HDAC4: variants seen among roughly 807,000 people sequenced by gnomAD.
The protein encoded by HDAC4 is histone deacetylase A.
A neutral mutation model predicts 135.1 loss-of-function variants in HDAC4; 16 were observed. The observed-to-expected ratio is 0.12, with a 90% CI of 0.08 to 0.18. The LOEUF is 0.18. Among genes scored for constraint, HDAC4 ranks in the 10% least tolerant of loss-of-function variants. HDAC4 has a pLI of 1.00. For missense variants in HDAC4, 1,143 were observed against 1,511.8 expected, an observed-to-expected ratio of 0.76 and a Z score of 4.05; for synonymous variants, 685 against 653.4, an observed-to-expected ratio of 1.05 and a Z score of -0.74.
At chr2:239,252,332 T>G (rs1415085187) in intron 2 of HDAC4, among the ~76,000 whole-genome samples, 1 of 152,246 alleles carries the variant, frequency 6.6e-6, no homozygotes, top group African/African-American at 2.4e-5. Context: ...CTGAGAGGAC[T>G]GGACTAAGCA....
chr2:239,297,468 G>A (rs935346869), intron 2 of HDAC4, among the ~76,000 whole-genome samples: 3 of 152,242 alleles, frequency 2.0e-5, no homozygotes, highest in African/African-American at 7.2e-5. Context: ...GGGTTGAGAC[G>A]GGGTTGCAGA....
chr2:239,093,931 T>TCA (rs1189002736), intron 17 of HDAC4: 23 of 984,394 alleles, frequency 2.3e-5, no homozygotes, highest in Non-Finnish European at 2.8e-5. Context: ...GAGGGCTTGG[T>TCA]GGTGGTATGA....
chr2:239,344,551 T>C (rs940379044), intron 2 of HDAC4, among the ~76,000 whole-genome samples: 3 of 151,510 alleles, frequency 2.0e-5, no homozygotes, highest in South Asian at 2.1e-4. Flanking sequence ...AAAAGTAGGT[T>C]GAAAAATAAG....
intron 3 of HDAC4, among the ~76,000 whole-genome samples, chr2:239,222,840 G>A (rs1170649965): frequency 6.6e-6 from 1 of 152,178 alleles, no homozygotes; most frequent in African/African-American, 2.4e-5. Context: ...TCCCAGCGGG[G>A]ACCTGGGTAT....
At chr2:239,343,299 A>G (rs1692411771) in intron 2 of HDAC4, among the ~76,000 whole-genome samples, 1 of 152,242 alleles carries the variant, frequency 6.6e-6, no homozygotes, top group East Asian at 1.9e-4. Context: ...CACAACGTGA[A>G]AGTTTCAGCC....
chr2:239,260,048 C>T (rs890429974), intron 2 of HDAC4, among the ~76,000 whole-genome samples: 6 of 152,390 alleles, frequency 3.9e-5, no homozygotes, highest in East Asian at 1.9e-4. Flanking sequence ...CCACCCCCAA[C>T]GCTGTGATTG....
At chr2:239,213,148 G>T (rs536989229) in intron 3 of HDAC4, among the ~76,000 whole-genome samples, 2 of 150,604 alleles carry the variant, frequency 1.3e-5, no homozygotes, top group Non-Finnish European at 3.0e-5. Flanking sequence ...AGACGGCCAC[G>T]ATGCTGGAAG....
chr2:239,058,556 C>A (rs913461935), intron 24 of HDAC4, among the ~76,000 whole-genome samples: 6 of 152,184 alleles, frequency 3.9e-5, no homozygotes, highest in African/African-American at 1.4e-4. Context: ...GGCAGGCAAA[C>A]CTGGCCAAAG....
Position 239,115,138 on chromosome 2 carries a change from T to G in HDAC4, c.1706A>C (p.Glu569Ala). 2 of 1,611,894 alleles carry G rather than the reference T, an allele frequency of 1.2e-6. No homozygotes were observed. The highest frequency in any genetic ancestry group is 1.7e-6 in the Non-Finnish European group (2 of 1,179,950). ...AGVQVKQEPIESDEEEAEPPR... is the reference protein window; with the variant it reads ...AGVQVKQEPIASDEEEAEPPR... ...GGGCTCTGCCTCTTCCTCATCGCTC[T>G]CAATGGGCTCCTGCTTCACCTGCAC... Residue 569 changes from glutamate (E) to alanine (A), a missense_variant, in exon 13 of 27, where the codon GAG becomes GCG. Glu to Ala is a moderately radical substitution (Grantham distance 107). Transcript: ENST00000543185. The surrounding 1 kb of genome is among the most constrained non-coding windows in gnomAD (Gnocchi z 6.3).
chr2:239,054,884 G>A, intron 24 of HDAC4, 51 bp from the exon 25 acceptor site: 2 of 1,222,316 alleles, frequency 1.6e-6, no homozygotes, highest in South Asian at 2.4e-5. Flanking sequence ...ATCCACACGT[G>A]CGTTAGACGG....
chr2:239,179,896 C>A (rs917534885), intron 4 of HDAC4, among the ~76,000 whole-genome samples: 22 of 152,268 alleles, frequency 1.4e-4, no homozygotes, highest in African/African-American at 5.1e-4. Flanking sequence ...ACGGAGGAAC[C>A]TGCACATCAA....
At chr2:239,162,352 C>T (rs1442533105) in intron 6 of HDAC4, 1 of 456,578 alleles carries the variant, frequency 2.2e-6, no homozygotes, top group South Asian at 1.5e-5. Context: ...GCCCCTGGCT[C>T]CTCATCCTGC....
chr2:239,202,032 C>A (rs371489596), intron 3 of HDAC4, among the ~76,000 whole-genome samples: 19 of 152,208 alleles, frequency 1.2e-4, no homozygotes, highest in Admixed American at 7.2e-4. Context: ...CCTCCACCCC[C>A]CTGCAGGCAT....
chr2:239,117,139 C>A lies in HDAC4; in HGVS notation c.1534-1829G>T, dbSNP rs114685078. Among the ~76,000 whole-genome samples, 1,015 of 152,318 alleles carry A rather than the reference C, an allele frequency of 6.7e-3. 4 individuals carry two copies. The highest frequency in any genetic ancestry group is 9.5e-3 in the Non-Finnish European group (649 of 68,024). On this transcript the variant is annotated intron_variant, in intron 12 of 26. Transcript: ENST00000543185. ...AAGTGGAACAGGGTGTATGGCTGAC[C>A]TCAATGCGCTCTGGGAGCTGTGGGA...
rs1278408045 is a variant in HDAC4 at position 239,236,603 on chromosome 2, C to A, written c.84G>T (p.Met28Ile). ...ELLNPARVNH[M>I]PSTVDVATAL... ...GGTGGGCGGACTTACCCGTGCTGGG[C>A]ATGTGGTTCACGCGGGCAGGATTCA... The change falls in exon 3 of 27, where the codon ATG becomes ATT. Residue 28 changes from methionine (M) to isoleucine (I), a missense_variant. By Grantham distance (10) the Met-to-Ile change is conservative (BLOSUM62 1). This residue lies in a region of HDAC4 where 247 missense variants were observed against 310.0 expected (regional missense o/e 0.80). Coordinates refer to ENST00000543185, the MANE Select transcript of HDAC4 (RefSeq NM_001378414.1). 1.3e-6 allele frequency: 2 copies of A among 1,551,584 alleles called. No homozygotes were observed. Among genetic ancestry groups the A allele is most frequent in the African/African-American group, 1.4e-5 (1 of 73,064 alleles).
rs1234864111 is a variant in HDAC4 at position 239,308,180 on chromosome 2, G to T, written c.22+44498C>A. Among the ~76,000 whole-genome samples, 1 of 152,146 alleles carries T rather than the reference G, an allele frequency of 6.6e-6. No individual in the cohort carries two copies. The highest frequency in any genetic ancestry group is 1.5e-5 in the Non-Finnish European group (1 of 68,028). On this transcript the variant is annotated intron_variant, in intron 2 of 26. Coordinates refer to ENST00000543185, the MANE Select transcript of HDAC4 (RefSeq NM_001378414.1). The surrounding 1 kb of genome is among the most constrained non-coding windows in gnomAD (Gnocchi z 4.2). ...CTCATCTGTGAGATGGGGGTGGTCAGCGTGCAGGAAGCCCTCCTTGACGAT... is the reference window on the plus strand; with the variant it reads ...CTCATCTGTGAGATGGGGGTGGTCATCGTGCAGGAAGCCCTCCTTGACGAT...
intron 2 of HDAC4, among the ~76,000 whole-genome samples, chr2:239,339,356 C>T (rs953517611): frequency 1.3e-5 from 2 of 152,182 alleles, no homozygotes; most frequent in African/African-American, 4.8e-5. Flanking sequence ...AAACAGGGCC[C>T]GATGAAAGGA....
chr2:239,134,890 C>T (rs1217944182), intron 9 of HDAC4, among the ~76,000 whole-genome samples: 1 of 152,242 alleles, frequency 6.6e-6, no homozygotes, highest in Non-Finnish European at 1.5e-5. Flanking sequence ...TGTCCAGCAT[C>T]ATCTCGTTGA....
rs941335187 is a variant in HDAC4, at chr2:239,257,533, A to G, written c.23-20869T>C. On this transcript the variant is annotated intron_variant, in intron 2 of 26. Coordinates refer to ENST00000543185, the MANE Select transcript of HDAC4 (RefSeq NM_001378414.1). ...TAGGAGGAGAACTCCAGGGACTGAC[A>G]GGCAGGAGAGAAGGAGGGAAATGTG... 2.6e-5 allele frequency among the ~76,000 whole-genome samples: 4 copies of G among 152,154 alleles called. No homozygotes were observed. In the East Asian group the frequency reaches 7.7e-4, roughly 29 times the overall value.
Sources: gnomAD v4.1 joint callset for allele counts (sites outside exome capture counted in the v4.1 genomes callset) on GRCh38, gnomAD v4.1.1 for gene constraint, gnomAD v4.1.1 regional missense constraint, Gnocchi (gnomAD v3.1) non-coding constraint, MANE v1.5 for transcripts, NCBI Gene and HGNC (gene_info 2026-07-23, HGNC 2026-07-21) for gene names.